The following NPEPPS variants were observed in gnomAD, a reference collection of about 807,000 sequenced individuals.
NPEPPS encodes aminopeptidase puromycin sensitive, also known as puromycin-sensitive aminopeptidase.
Under a neutral mutation model 115.5 loss-of-function variants are expected in NPEPPS, and 14 were observed. That is an observed-to-expected ratio of 0.12 (90% confidence interval 0.08 to 0.19). The LOEUF (loss-of-function observed/expected upper bound fraction) is 0.19, where lower values mean the gene tolerates loss of function less well. NPEPPS is among the 10% of genes least tolerant of loss of function. NPEPPS has a pLI of 1.00. For synonymous variants in NPEPPS, 285 were observed against 390.6 expected (o/e 0.73, Z 3.19); for missense variants, 523 against 1,110.8 (o/e 0.47, Z 7.52).
chr17:47,603,085 T>G (rs1350810138), intron 15 of NPEPPS, among the ~76,000 whole-genome samples: 1 of 152,224 alleles, frequency 6.6e-6, no homozygotes, highest in African/African-American at 2.4e-5. Flanking sequence ...ATAAATGTTC[T>G]CAAAACTATT....
At chr17:47,556,120 G>GC (rs1202013851) in intron 2 of NPEPPS, among the ~76,000 whole-genome samples, 3 of 130,590 alleles carry the variant, frequency 2.3e-5, no homozygotes, top group Non-Finnish European at 3.2e-5. Flanking sequence ...GGTGTTTCTT[G>GC]CAGAGGGGGA....
rs1442976554 is a variant in NPEPPS at position 47,596,364 on chromosome 17, G to C, written c.1438G>C (p.Glu480Gln). 2 of 1,570,984 alleles carry C rather than the reference G, an allele frequency of 1.3e-6. No homozygotes were observed. The highest frequency in any genetic ancestry group is 3.7e-5 in the Admixed American group (2 of 54,752). ...TGTTTATCTTCTAGAGGATCTCTGGGAAAGTTTAGAAAATGCTAGTGGTAA... is the reference window on the plus strand; with the variant it reads ...TGTTTATCTTCTAGAGGATCTCTGGCAAAGTTTAGAAAATGCTAGTGGTAA... ...QKNAATEDLW[E>Q]SLENASGKPI... is the part of the protein sequence containing the mutation. The change falls in exon 13 of 23, where the codon GAA becomes CAA. Residue 480 changes from glutamate (E) to glutamine (Q), a missense_variant. Physicochemically the swap from Glu to Gln is conservative, Grantham distance 29. Transcript: ENST00000322157.
intron 2 of NPEPPS, among the ~76,000 whole-genome samples, chr17:47,566,394 T>C (rs916528125): frequency 7.2e-5 from 11 of 152,114 alleles, no homozygotes; most frequent in Non-Finnish European, 1.5e-4. Context: ...TGAACACTTT[T>C]TTTATGTGCT....
At chr17:47,571,282 T>A (rs1911174754) in intron 3 of NPEPPS, among the ~76,000 whole-genome samples, 1 of 152,178 alleles carries the variant, frequency 6.6e-6, no homozygotes. Flanking sequence ...TTTATTCTTA[T>A]TTATATCTTT....
upstream of NPEPPS, among the ~76,000 whole-genome samples, chr17:47,529,325 C>T (rs533295062): frequency 2.8e-4 from 43 of 151,878 alleles, no homozygotes; most frequent in African/African-American, 1.0e-3. Flanking sequence ...CCTCCATCCA[C>T]CTCCTGGGCT....
At chr17:47,601,928 A>T in intron 15 of NPEPPS, 181 bp downstream of exon 15, 1 of 601,666 alleles carries the variant, frequency 1.7e-6, no homozygotes, top group Non-Finnish European at 2.7e-6. Flanking sequence ...TAGGGAAGGT[A>T]GTGGTAGAGA....
At chr17:47,560,669 A>G (rs1597837733) in intron 2 of NPEPPS, among the ~76,000 whole-genome samples, 1 of 152,148 alleles carries the variant, frequency 6.6e-6, no homozygotes, top group Non-Finnish European at 1.5e-5. Context: ...CCATTGCAAC[A>G]TTATTTTCAG....
intron 3 of NPEPPS, among the ~76,000 whole-genome samples, chr17:47,571,964 A>G (rs1308864486): frequency 6.6e-6 from 1 of 152,056 alleles, no homozygotes; most frequent in East Asian, 1.9e-4. Context: ...AGGAGTGCTG[A>G]TCATATGCAG....
intron 2 of NPEPPS, among the ~76,000 whole-genome samples, chr17:47,561,981 C>A (rs1314505567): frequency 6.6e-6 from 1 of 152,210 alleles, no homozygotes. Context: ...AAATCCTGGA[C>A]CAGGTACAGA....
chr17:47,608,608 T>C (rs546955664), intron 17 of NPEPPS, among the ~76,000 whole-genome samples: 61 of 152,166 alleles, frequency 4.0e-4, no homozygotes, highest in African/African-American at 1.3e-3. Context: ...CTCATGTCTT[T>C]AAAAAACAAA....
chr17:47,583,626 A>C (rs1473554222), intron 5 of NPEPPS, among the ~76,000 whole-genome samples: 2 of 151,794 alleles, frequency 1.3e-5, no homozygotes, highest in Admixed American at 6.6e-5. Context: ...ATTAAATGTC[A>C]TAAGAAAGCC....
At chr17:47,556,704 G>T (rs1476467832) in intron 2 of NPEPPS, among the ~76,000 whole-genome samples, 1 of 152,126 alleles carries the variant, frequency 6.6e-6, no homozygotes, top group Non-Finnish European at 1.5e-5. Context: ...CTGGCCGGGT[G>T]GGGGCTGCCC....
At position 47,618,381 on chromosome 17, in the gene NPEPPS, A is replaced by G; in HGVS notation, c.2327A>G (p.Lys776Arg). The change falls in exon 20 of 23, where the codon AAA becomes AGA. Residue 776 changes from lysine (K) to arginine (R), a missense_variant. Around this residue, in one of 4 missense-constraint regions of NPEPPS, gnomAD observed 372 missense variants for 542.6 expected, o/e 0.69. Transcript: ENST00000322157. ...AAACAAGCAGATATGCAAGAAGAGAAAAACCGAATCGAAAGAGTCCTTGGC... is the reference window on the plus strand; with the variant it reads ...AAACAAGCAGATATGCAAGAAGAGAGAAACCGAATCGAAAGAGTCCTTGGC... ...LHKQADMQEE[K>R]NRIERVLGAT... 1 of 1,613,850 alleles carries G rather than the reference A, an allele frequency of 6.2e-7. No homozygotes were observed. Among genetic ancestry groups the G allele is most frequent in the Non-Finnish European group, 8.5e-7 (1 of 1,179,786 alleles).
At chr17:47,606,491 C>A (rs1913525864) in intron 17 of NPEPPS, among the ~76,000 whole-genome samples, 1 of 150,346 alleles carries the variant, frequency 6.7e-6, no homozygotes, top group Admixed American at 6.6e-5. Context: ...GAGTTTCACT[C>A]TTGTCACCCA....
intron 1 of NPEPPS, among the ~76,000 whole-genome samples, chr17:47,538,019 T>G (rs898488314): frequency 5.3e-5 from 8 of 150,136 alleles, no homozygotes; most frequent in South Asian, 2.1e-4. Flanking sequence ...TCAGCCTCCC[T>G]AGTAGCTGGG....
intron 1 of NPEPPS, among the ~76,000 whole-genome samples, chr17:47,532,376 C>CT (rs1220224097): frequency 1.3e-5 from 2 of 152,130 alleles, no homozygotes; most frequent in Non-Finnish European, 2.9e-5. Context: ...AAGAAGCTGG[C>CT]TGGGCGCGGT....
chr17:47,556,398 G>A (rs1225613151), intron 2 of NPEPPS, among the ~76,000 whole-genome samples: 1 of 151,982 alleles, frequency 6.6e-6, no homozygotes, highest in African/African-American at 2.4e-5. Flanking sequence ...CCGGGTTGGG[G>A]GTAAGGTCAT....
Position 47,531,658 on chromosome 17 carries a change from G to T in NPEPPS, c.255+103G>T, listed in dbSNP as rs1165866233. On this transcript the variant is annotated intron_variant, in intron 1 of 22. Coordinates refer to ENST00000322157, the MANE Select transcript of NPEPPS (RefSeq NM_006310.4). ...GGCCGGGAGGGCGGGCGGGCCTCGGGTCGGGGCTGGGCGGCCGCAGGGCGC... is the reference window on the plus strand; with the variant it reads ...GGCCGGGAGGGCGGGCGGGCCTCGGTTCGGGGCTGGGCGGCCGCAGGGCGC... 3 of 1,374,668 alleles carry T rather than the reference G, an allele frequency of 2.2e-6. No individual in the cohort carries two copies. The East Asian group carries it at 9.6e-5, about 44-fold the overall frequency. 85.2% of individuals were successfully genotyped at this position (1,374,668 alleles called of 1,614,324 possible). A position where few individuals can be genotyped will look rare whatever the true frequency, so the allele number is the denominator to read the frequency against.
intron 1 of NPEPPS, among the ~76,000 whole-genome samples, chr17:47,533,143 GT>G (rs1907946200): frequency 6.6e-6 from 1 of 152,132 alleles, no homozygotes; most frequent in African/African-American, 2.4e-5. Context: ...GAATTTAAAA[GT>G]ATAGTTATCT....
Sources: gnomAD v4.1 joint callset for allele counts (sites outside exome capture counted in the v4.1 genomes callset) on GRCh38, gnomAD v4.1.1 for gene constraint, gnomAD v4.1.1 regional missense constraint, MANE v1.5 for transcripts, NCBI Gene and HGNC (gene_info 2026-07-23, HGNC 2026-07-21) for gene names.